AP3D1: variants seen among roughly 807,000 people sequenced by gnomAD.
AP3D1 encodes the protein AP-3 complex subunit delta-1.
AP3D1 carries 51 observed loss-of-function variants against 147.6 expected under a neutral mutation model. The ratio of observed to expected loss-of-function variants is 0.35; its 90% CI spans 0.28 to 0.44. The LOEUF (loss-of-function observed/expected upper bound fraction) is 0.44, where lower values mean the gene tolerates loss of function less well. Ranked by LOEUF, AP3D1 falls within the 20% of genes least tolerant of loss-of-function variation. The probability of loss-of-function intolerance (pLI) is 1.00; values close to 1 mark genes in which losing one functional copy is unlikely to be tolerated. For missense variants in AP3D1, 1,421 were observed against 1,624.2 expected (o/e 0.87, Z 2.15); for synonymous variants, 760 against 663.0 (o/e 1.15, Z -2.25).
At position 2,121,258 on chromosome 19, in the gene AP3D1, G is replaced by C. The variant is rs2018603170; in HGVS notation, c.1155C>G (p.Asp385Glu). Reference protein sequence around the residue: ...EIVKKLMTHVDKAEGTTYRDE... With the variant: ...EIVKKLMTHVEKAEGTTYRDE... ...CACGGTAGGTGGTACCCTCTGCCTT[G>C]TCTACGTGGGTCATCAGCTTCTTCA... The change falls in exon 13 of 32, where the codon GAC (aspartate) becomes GAG (glutamate). Residue 385 changes from aspartate to glutamate, a missense_variant. Asp to Glu is a conservative substitution (Grantham distance 45). Around this residue, in one of 6 missense-constraint regions of AP3D1, gnomAD observed 310 missense variants for 388.1 expected, o/e 0.80. Coordinates refer to ENST00000643116, the MANE Select transcript of AP3D1 (RefSeq NM_001261826.3). 1.2e-6 allele frequency: 2 copies of C among 1,614,096 alleles called. No individual in the cohort carries two copies. The highest frequency in any genetic ancestry group is 1.7e-6 in the Non-Finnish European group (2 of 1,180,028).
intron 9 of AP3D1, among the ~76,000 whole-genome samples, chr19:2,125,335 G>A (rs1282242303): frequency 6.6e-6 from 1 of 152,008 alleles, no homozygotes; most frequent in African/African-American, 2.4e-5. Context: ...CGTTTTTTGA[G>A]AAGAAGTTTC....
At chr19:2,115,096 C>T (rs528926969) in intron 20 of AP3D1, 123 bp downstream of exon 20, 18 of 1,050,048 alleles carry the variant, frequency 1.7e-5, no homozygotes, top group African/African-American at 6.4e-5. Context: ...CTATGCTCTC[C>T]GGGGTGGGGC....
At chr19:2,112,041 C>T (rs575232512) in intron 24 of AP3D1, 119 of 706,174 alleles carry the variant, frequency 1.7e-4, no homozygotes, top group Non-Finnish European at 2.1e-4. Context: ...TGGCGGCAAG[C>T]GCCAAAGCAG....
intron 1 of AP3D1, among the ~76,000 whole-genome samples, chr19:2,139,940 G>A (rs954538469): frequency 2.6e-5 from 4 of 152,314 alleles, no homozygotes; most frequent in South Asian, 4.1e-4. Context: ...ACCGGGCTGG[G>A]GAAGGAGACA....
At chr19:2,144,183 A>G (rs1358988760) in intron 1 of AP3D1, among the ~76,000 whole-genome samples, 1 of 152,172 alleles carries the variant, frequency 6.6e-6, no homozygotes, top group Non-Finnish European at 1.5e-5. Context: ...ATAAGTTACT[A>G]TCCACAATCA....
chr19:2,117,012 C>T (rs1434843102), intron 16 of AP3D1: 4 of 820,300 alleles, frequency 4.9e-6, no homozygotes, highest in African/African-American at 3.5e-5. Flanking sequence ...AGCAGGCCCA[C>T]TTCGCAGGGA....
At chr19:2,103,703 T>C (rs1300352072) in intron 31 of AP3D1, among the ~76,000 whole-genome samples, 3 of 152,074 alleles carry the variant, frequency 2.0e-5, no homozygotes, top group African/African-American at 7.2e-5. Flanking sequence ...CAGGGGGGAC[T>C]TGCAGCTGGG....
At position 2,108,769 on chromosome 19, in the gene AP3D1, G is replaced by GC; in HGVS notation, c.3473-4dup. On this transcript the variant is annotated splice_polypyrimidine_tract_variant and splice_region_variant and intron_variant, in intron 30 of 31. Transcript: ENST00000643116. ...GCAGGAGTCCACTCGCTCCACAACTGCAACAGAGCGGGCAGTGTTAGGCTT... is the reference window on the plus strand; with the variant it reads ...GCAGGAGTCCACTCGCTCCACAACTGCCAACAGAGCGGGCAGTGTTAGGCTT... 1 of 1,563,268 alleles carries GC rather than the reference G, an allele frequency of 6.4e-7. No individual in the cohort carries two copies. Among genetic ancestry groups the GC allele is most frequent in the Non-Finnish European group, 8.7e-7 (1 of 1,153,914 alleles).
chr19:2,138,630 T>C lies in AP3D1; in HGVS notation c.181A>G (p.Lys61Glu). ...NIAVKANAVC[K>E]LTYLQMLGYD... ...TGGGAGGCACTTACATACGTCAGCT[T>C]GCAGACCGCGTTCGCCTTCACCGCT... Residue 61 changes from lysine to glutamate, a missense_variant, in exon 2 of 32, where the codon AAG (lysine) becomes GAG (glutamate). This residue lies in a region of AP3D1 where 292 missense variants were observed against 412.0 expected (regional missense o/e 0.71). Coordinates refer to ENST00000643116, the MANE Select transcript of AP3D1 (RefSeq NM_001261826.3). 6.2e-7 allele frequency: 1 copy of C among 1,613,890 alleles called. No individual in the cohort carries two copies. Among genetic ancestry groups the C allele is most frequent in the Non-Finnish European group, 8.5e-7 (1 of 1,179,966 alleles).
At chr19:2,118,892 G>C (rs554288645) in intron 14 of AP3D1, 60 bp from the exon 15 acceptor site, 1 of 1,505,308 alleles carries the variant, frequency 6.6e-7, no homozygotes, top group South Asian at 1.2e-5. Flanking sequence ...CTCTCTAGCA[G>C]GTGAGGACCT....
chr19:2,123,808 C>T, intron 10 of AP3D1, 22 bp downstream of exon 10: 1 of 1,559,042 alleles, frequency 6.4e-7, no homozygotes, highest in Non-Finnish European at 8.7e-7. Flanking sequence ...ACCCCATGGG[C>T]CCCGCCCAGT....
At chr19:2,156,986 A>G (rs1437626162) in intron 1 of AP3D1, among the ~76,000 whole-genome samples, 4 of 128,618 alleles carry the variant, frequency 3.1e-5, no homozygotes, top group Admixed American at 9.4e-5. Flanking sequence ...CTACCCATCC[A>G]CCCATCAACA....
At chr19:2,136,683 G>A (rs1302585325) in intron 4 of AP3D1, among the ~76,000 whole-genome samples, 1 of 152,218 alleles carries the variant, frequency 6.6e-6, no homozygotes, top group East Asian at 1.9e-4. Context: ...CATGAGGGGA[G>A]AAGGGAAGAA....
At chr19:2,114,367 A>G in intron 21 of AP3D1, 65 bp from the exon 22 acceptor site, 1 of 1,385,158 alleles carries the variant, frequency 7.2e-7, no homozygotes, top group South Asian at 1.2e-5. Context: ...CACTCAGTAC[A>G]TGCCGTGTCC....
At chr19:2,155,122 A>G (rs1480389470), upstream of AP3D1, among the ~76,000 whole-genome samples, 1 of 152,160 alleles carries the variant, frequency 6.6e-6, no homozygotes, top group Non-Finnish European at 1.5e-5. Context: ...TGGAGGTTGC[A>G]GTGAGCCGAG....
In AP3D1 at chr19:2,121,042, C is replaced by T; in HGVS notation, c.1301G>A (p.Gly434Asp). 6.2e-7 allele frequency: 1 copy of T among 1,612,926 alleles called. No individual in the cohort carries two copies. ...CAGCATTTGGGCGGCGATGAGGTGG[C>T]CGTGCCGTGTGCCCTCCAGCCGGGT... Reference protein sequence around the residue: ...ELTRLEGTRHGHLIAAQMLDV... With the variant: ...ELTRLEGTRHDHLIAAQMLDV... The change falls in exon 14 of 32, where the codon GGC (glycine) becomes GAC (aspartate). Residue 434 changes from glycine to aspartate, a missense_variant. Gly to Asp is a moderately conservative substitution (Grantham distance 94, BLOSUM62 -1). Coordinates refer to ENST00000643116, the MANE Select transcript of AP3D1 (RefSeq NM_001261826.3).
intron 17 of AP3D1, 62 bp from the exon 18 acceptor site, chr19:2,116,340 C>T (rs1156379567): frequency 9.9e-6 from 15 of 1,508,244 alleles, no homozygotes; most frequent in East Asian, 2.4e-5. Flanking sequence ...CTGTGGACGT[C>T]CACCACCAGC....
At chr19:2,126,007 G>A (rs923503659) in intron 9 of AP3D1, among the ~76,000 whole-genome samples, 2 of 152,120 alleles carry the variant, frequency 1.3e-5, no homozygotes, top group Admixed American at 6.6e-5. Flanking sequence ...AATTACCTGG[G>A]TGGGGTGGCA....
chr19:2,131,329 A>G (rs1311098045), intron 5 of AP3D1, among the ~76,000 whole-genome samples: 2 of 149,774 alleles, frequency 1.3e-5, no homozygotes, highest in Non-Finnish European at 3.0e-5. Context: ...CACCAGGTGG[A>G]CAGGCAGCCA....
Sources: gnomAD v4.1 joint callset for allele counts (sites outside exome capture counted in the v4.1 genomes callset) on GRCh38, gnomAD v4.1.1 for gene constraint, gnomAD v4.1.1 regional missense constraint, MANE v1.5 for transcripts, NCBI Gene and HGNC (gene_info 2026-07-23, HGNC 2026-07-21) for gene names.